The following CLIC5 variants were observed in gnomAD, a reference collection of about 807,000 sequenced individuals.
CLIC5 encodes CLIC family member 5.
Under a neutral mutation model 24.7 loss-of-function variants are expected in CLIC5, and 20 were observed. The ratio of observed to expected loss-of-function variants is 0.81; its 90% CI spans 0.57 to 1.18. CLIC5 has a LOEUF of 1.18. Among genes scored for constraint, CLIC5 ranks in the 50% most tolerant of loss-of-function variants. The pLI is 0.00. For missense variants in CLIC5, 341 were observed against 326.1 expected (o/e 1.05, Z -0.35); for synonymous variants, 159 against 135.6 (o/e 1.17, Z -1.20).
chr6:45,910,993 C>T (rs1297841189), intron 5 of CLIC5, among the ~76,000 whole-genome samples: 1 of 152,206 alleles, frequency 6.6e-6, no homozygotes, highest in Non-Finnish European at 1.5e-5. Flanking sequence ...GAGGCCAGCA[C>T]ATAGCAGGAA....
chr6:45,974,168 T>C (rs1478855257), intron 1 of CLIC5, among the ~76,000 whole-genome samples: 1 of 151,778 alleles, frequency 6.6e-6, no homozygotes, highest in East Asian at 1.9e-4. Context: ...TATATATAGT[T>C]TTATATATAA....
chr6:46,036,168 C>T (rs989834223), intron 1 of CLIC5, among the ~76,000 whole-genome samples: 3 of 152,158 alleles, frequency 2.0e-5, no homozygotes, highest in East Asian at 1.9e-4. Flanking sequence ...AACTCAGGAT[C>T]GCTCCTATTG....
chr6:46,087,226 A>T, the CLIC5 span, among the ~76,000 whole-genome samples: 13 of 152,208 alleles, frequency 8.5e-5, no homozygotes, highest in Non-Finnish European at 1.6e-4. Context: ...GGTAAAATTC[A>T]TCTATGTTGT....
At chr6:46,120,481 A>T in the CLIC5 span, among the ~76,000 whole-genome samples, 6 of 152,184 alleles carry the variant, frequency 3.9e-5, no homozygotes, top group African/African-American at 1.4e-4. Context: ...AAAGATGGGG[A>T]AAAAACAGAA....
At chr6:46,041,224 A>G (rs1767798834) in intron 1 of CLIC5, among the ~76,000 whole-genome samples, 1 of 152,264 alleles carries the variant, frequency 6.6e-6, no homozygotes. Context: ...TTGCAGGTGC[A>G]TAGAGTTTAA....
chr6:45,972,450 T>C (rs1354464638), intron 1 of CLIC5, among the ~76,000 whole-genome samples: 1 of 152,156 alleles, frequency 6.6e-6, no homozygotes, highest in East Asian at 1.9e-4. Context: ...GGTCCTCTTG[T>C]AAGTTTATCT....
At chr6:46,019,025 T>A (rs1374327043), upstream of CLIC5, among the ~76,000 whole-genome samples, 1 of 151,538 alleles carries the variant, frequency 6.6e-6, no homozygotes, top group Non-Finnish European at 1.5e-5. Context: ...AAAAACTAGG[T>A]ATGTGTATTG....
chr6:45,895,748 G>A (rs989155105), downstream of CLIC5, among the ~76,000 whole-genome samples: 1 of 152,162 alleles, frequency 6.6e-6, no homozygotes, highest in African/African-American at 2.4e-5. Flanking sequence ...TTGGGGACAG[G>A]GTGGTAACAG....
intron 1 of CLIC5, among the ~76,000 whole-genome samples, chr6:46,054,201 T>C (rs961917401): frequency 2.6e-4 from 39 of 152,252 alleles, no homozygotes; most frequent in African/African-American, 9.1e-4. Flanking sequence ...AAAGATCTAG[T>C]TGGGATATTC....
At chr6:45,907,955 G>A (rs1281672714) in intron 5 of CLIC5, among the ~76,000 whole-genome samples, 1 of 151,974 alleles carries the variant, frequency 6.6e-6, no homozygotes, top group Non-Finnish European at 1.5e-5. Flanking sequence ...GAATAGGAGC[G>A]GTGAGTGGGC....
intron 1 of CLIC5, among the ~76,000 whole-genome samples, chr6:46,006,037 T>TATACAC (rs1561998761): frequency 2.2e-5 from 3 of 138,492 alleles, no homozygotes; most frequent in Non-Finnish European, 4.6e-5. Context: ...TAAATATATA[T>TATACAC]ACATGTATAA....
the CLIC5 span, among the ~76,000 whole-genome samples, chr6:46,123,714 T>C: frequency 6.9e-6 from 1 of 145,948 alleles, no homozygotes; most frequent in East Asian, 1.9e-4. Context: ...CCCCTTAAGC[T>C]GATAAGCAAC....
the CLIC5 span, among the ~76,000 whole-genome samples, chr6:46,086,521 G>T: frequency 2.6e-5 from 4 of 152,174 alleles, no homozygotes; most frequent in East Asian, 7.7e-4. Context: ...TGGAGTGTGT[G>T]GATTGTGGGA....
intron 3 of CLIC5, among the ~76,000 whole-genome samples, chr6:45,947,695 G>A (rs898906642): frequency 6.6e-6 from 1 of 152,122 alleles, no homozygotes; most frequent in Non-Finnish European, 1.5e-5. Flanking sequence ...TTTTCATGTG[G>A]GATTTCAAAT....
chr6:46,033,432 T>G (rs1767568682), intron 1 of CLIC5, among the ~76,000 whole-genome samples: 1 of 152,230 alleles, frequency 6.6e-6, no homozygotes, highest in South Asian at 2.1e-4. Flanking sequence ...ATTCTTGTAA[T>G]AGCTCATTTG....
intron 4 of CLIC5, among the ~76,000 whole-genome samples, chr6:45,933,849 G>A (rs1424749214): frequency 6.6e-6 from 1 of 152,218 alleles, no homozygotes; most frequent in East Asian, 1.9e-4. Flanking sequence ...AAGAAAGTGA[G>A]TTTCAGGTGA....
At chr6:45,907,656 G>A (rs995223804) in intron 5 of CLIC5, among the ~76,000 whole-genome samples, 13 of 152,172 alleles carry the variant, frequency 8.5e-5, no homozygotes, top group Middle Eastern at 3.4e-3. Flanking sequence ...CTAGTCTGGG[G>A]CTTTTACTGG....
At chr6:45,898,267 A>AC (rs373375292), downstream of CLIC5, among the ~76,000 whole-genome samples, 359 of 151,692 alleles carry the variant, frequency 2.4e-3, 1 homozygote, top group African/African-American at 8.1e-3. Flanking sequence ...ACATGGTGAC[A>AC]CCCCCATCTC....
At chr6:46,118,932 T>C in the CLIC5 span, among the ~76,000 whole-genome samples, 1 of 152,156 alleles carries the variant, frequency 6.6e-6, no homozygotes, top group Non-Finnish European at 1.5e-5. Context: ...CAATGTGTAA[T>C]CACGATGTGG....
Sources: gnomAD v4.1 joint callset for allele counts (sites outside exome capture counted in the v4.1 genomes callset) on GRCh38, gnomAD v4.1.1 for gene constraint, MANE v1.5 for transcripts, NCBI Gene and HGNC (gene_info 2026-07-23, HGNC 2026-07-21) for gene names.